RBFOX1: variants seen among roughly 807,000 people sequenced by gnomAD.
The protein encoded by RBFOX1 is RNA binding protein fox-1 homolog 1.
In RBFOX1, 8 loss-of-function variants were observed where a neutral mutation model predicts 57.7. That is an observed-to-expected ratio of 0.14 (90% CI 0.08 to 0.25). The LOEUF is 0.25. Ranked by LOEUF, RBFOX1 falls within the 10% of genes least tolerant of loss-of-function variation. The pLI is 1.00. For missense variants in RBFOX1, 611 were observed against 548.5 expected, an observed-to-expected ratio of 1.11 and a Z score of -1.14; for synonymous variants, 326 against 222.4, an observed-to-expected ratio of 1.47 and a Z score of -4.15.
intron 2 of RBFOX1, among the ~76,000 whole-genome samples, chr16:5,526,741 C>T (rs569155576): frequency 3.3e-5 from 5 of 152,294 alleles, no homozygotes; most frequent in East Asian, 3.9e-4. Context: ...AGCCTGCATC[C>T]ACGTACATTC....
chr16:6,530,986 C>G (rs1567576158), intron 2 of RBFOX1, among the ~76,000 whole-genome samples: 1 of 152,178 alleles, frequency 6.6e-6, no homozygotes, highest in African/African-American at 2.4e-5. Context: ...TTCCTGGTGT[C>G]TGTTCCAACC....
At chr16:5,532,849 G>A (rs1417513094) in intron 2 of RBFOX1, among the ~76,000 whole-genome samples, 5 of 152,176 alleles carry the variant, frequency 3.3e-5, no homozygotes. Flanking sequence ...TCTGTGCAAT[G>A]TATTCCAACA....
chr16:7,118,345 A>C (rs1478084893), intron 4 of RBFOX1, among the ~76,000 whole-genome samples: 2 of 150,480 alleles, frequency 1.3e-5, no homozygotes, highest in African/African-American at 5.0e-5. Context: ...ATTAGTGATA[A>C]GCATTTTTTT....
At chr16:5,658,208 C>G (rs1467937573) in intron 3 of RBFOX1, among the ~76,000 whole-genome samples, 1 of 152,144 alleles carries the variant, frequency 6.6e-6, no homozygotes, top group South Asian at 2.1e-4. Flanking sequence ...ATGATTTCTT[C>G]TCTTTTGTTA....
chr16:5,347,753 C>T (rs912225785), intron 1 of RBFOX1, among the ~76,000 whole-genome samples: 1 of 148,360 alleles, frequency 6.7e-6, no homozygotes, highest in Admixed American at 6.7e-5. Flanking sequence ...CACCCGTCAA[C>T]CCATCCACCC....
At chr16:7,453,932 G>A (rs1350234652) in intron 4 of RBFOX1, among the ~76,000 whole-genome samples, 2 of 152,146 alleles carry the variant, frequency 1.3e-5, no homozygotes, top group Admixed American at 1.3e-4. Context: ...CTGGTAGGGG[G>A]ATTAAGAAAG....
At chr16:5,458,052 G>T (rs562329308) in intron 1 of RBFOX1, among the ~76,000 whole-genome samples, 1 of 152,094 alleles carries the variant, frequency 6.6e-6, no homozygotes, top group Non-Finnish European at 1.5e-5. Flanking sequence ...AGAAAAAAAT[G>T]CTTTAAGAAC....
At chr16:7,152,503 T>A (rs1364521788) in intron 4 of RBFOX1, among the ~76,000 whole-genome samples, 1 of 152,206 alleles carries the variant, frequency 6.6e-6, no homozygotes, top group Non-Finnish European at 1.5e-5. Context: ...TTAAAAATTG[T>A]GGCCTTATGG....
intron 3 of RBFOX1, among the ~76,000 whole-genome samples, chr16:6,817,848 C>G (rs78232276): frequency 0.031 from 4,737 of 152,240 alleles, 259 homozygotes; most frequent in South Asian, 0.15. Context: ...GTGAATGTGA[C>G]TCATATCAGA....
intron 2 of RBFOX1, among the ~76,000 whole-genome samples, chr16:6,547,453 A>G (rs960788602): frequency 1.3e-5 from 2 of 152,222 alleles, no homozygotes; most frequent in Non-Finnish European, 2.9e-5. Flanking sequence ...GCCATCTTCC[A>G]TAGTAACTAG....
intron 2 of RBFOX1, among the ~76,000 whole-genome samples, chr16:6,648,380 C>A (rs935190583): frequency 7.0e-6 from 1 of 142,912 alleles, no homozygotes; most frequent in South Asian, 2.2e-4. Flanking sequence ...ATCGTACTTG[C>A]TGGGGTTGCA....
chr16:7,112,550 C>G (rs996674570), intron 4 of RBFOX1, among the ~76,000 whole-genome samples: 1 of 152,006 alleles, frequency 6.6e-6, no homozygotes, highest in African/African-American at 2.4e-5. Context: ...AAGTCAGAAC[C>G]TTTAATAGCT....
chr16:6,020,982 C>A (rs1211312607), intron 1 of RBFOX1, among the ~76,000 whole-genome samples: 1 of 152,192 alleles, frequency 6.6e-6, no homozygotes, highest in East Asian at 1.9e-4. Flanking sequence ...CTCATCGCTC[C>A]TGTGTGGGCC....
Position 6,780,748 on chromosome 16 carries a change from C to T in RBFOX1, c.-16+126098C>T, listed in dbSNP as rs139572601. Among the ~76,000 whole-genome samples the T allele has an allele frequency of 5.3e-5, 8 of 151,120 alleles. No individual in the cohort carries two copies. The East Asian group carries it at 7.8e-4, about 15-fold the overall frequency. On this transcript the variant is annotated intron_variant, in intron 3 of 15. Transcript: ENST00000550418. Reference sequence around the variant, plus strand: ...TTTGCATTTCTCTAATGATTAGTGACGTTGAGCATTTTTCCGCATACCTTT... The same window carrying T: ...TTTGCATTTCTCTAATGATTAGTGATGTTGAGCATTTTTCCGCATACCTTT...
intron 14 of RBFOX1, among the ~76,000 whole-genome samples, chr16:7,687,278 G>A (rs1006880069): frequency 6.6e-6 from 1 of 152,046 alleles, no homozygotes; most frequent in African/African-American, 2.4e-5. Flanking sequence ...TAGAGTATTA[G>A]TATTTTATGT....
intron 3 of RBFOX1, among the ~76,000 whole-genome samples, chr16:6,701,407 A>T (rs1485525915): frequency 4.6e-5 from 7 of 152,202 alleles, no homozygotes; most frequent in African/African-American, 1.4e-4. Flanking sequence ...CATCTGCATT[A>T]GTCTGTTTTA....
intron 3 of RBFOX1, among the ~76,000 whole-genome samples, chr16:5,684,338 G>T (rs997709047): frequency 1.3e-5 from 2 of 152,118 alleles, no homozygotes; most frequent in African/African-American, 4.8e-5. Flanking sequence ...AGAGAACCCT[G>T]ACTAATACAG....
chr16:6,999,572 C>T lies in RBFOX1; in HGVS notation c.-15-52485C>T, dbSNP rs1026735958. Among the ~76,000 whole-genome samples, 260 of 151,876 alleles carry T rather than the reference C, an allele frequency of 1.7e-3. 2 individuals carry two copies. The highest frequency in any genetic ancestry group is 2.3e-3 in the Non-Finnish European group (154 of 67,970). On this transcript the variant is annotated intron_variant, in intron 3 of 15. Transcript: ENST00000550418. Reference sequence around the variant, plus strand: ...ACAAAAGTAGAATAGTATACTGATCCCTCATATGCTTTACAGCAGATTTCA... The same window carrying T: ...ACAAAAGTAGAATAGTATACTGATCTCTCATATGCTTTACAGCAGATTTCA...
At chr16:5,594,972 A>G (rs1322991850) in intron 2 of RBFOX1, among the ~76,000 whole-genome samples, 13 of 41,334 alleles carry the variant, frequency 3.1e-4, no homozygotes, top group African/African-American at 8.7e-4. Flanking sequence ...TCTCTACTAA[A>G]AAAAAAAAAA....
Sources: gnomAD v4.1 joint callset for allele counts (sites outside exome capture counted in the v4.1 genomes callset) on GRCh38, gnomAD v4.1.1 for gene constraint, MANE v1.5 for transcripts, NCBI Gene and HGNC (gene_info 2026-07-23, HGNC 2026-07-21) for gene names.